CABP1: variants seen among roughly 807,000 people sequenced by gnomAD.
The protein encoded by CABP1 is calcium binding protein 1, also known as calcium-binding protein 1.
Under a neutral mutation model 34.3 loss-of-function variants are expected in CABP1, and 17 were observed. That is an observed-to-expected ratio of 0.50 (90% confidence interval 0.34 to 0.74). The LOEUF (loss-of-function observed/expected upper bound fraction) is 0.74, where lower values mean the gene tolerates loss of function less well. CABP1 is among the 30% of genes least tolerant of loss of function. CABP1 has a pLI of 0.01. For synonymous variants in CABP1, 198 were observed against 229.2 expected (o/e 0.86, Z 1.23); for missense variants, 373 against 511.1 (o/e 0.73, Z 2.61).
Position 120,659,862 on chromosome 12 carries a change from T to C in CABP1, c.655-16T>C, listed in dbSNP as rs772676449. 2 of 1,612,422 alleles carry C rather than the reference T, an allele frequency of 1.2e-6. No individual in the cohort carries two copies. Among genetic ancestry groups the C allele is most frequent in the Admixed American group, 3.4e-5 (2 of 59,448 alleles). Reference sequence around the variant, plus strand: ...GTCCCTTGTCGCGGCTAATAGGACATGTTCTTTTGTTTCAGGATAGATCAC... The same window carrying C: ...GTCCCTTGTCGCGGCTAATAGGACACGTTCTTTTGTTTCAGGATAGATCAC... On this transcript the variant is annotated splice_polypyrimidine_tract_variant and intron_variant, in intron 1 of 5. Transcript: ENST00000316803.
At chr12:120,680,642 C>G in the CABP1 span, among the ~76,000 whole-genome samples, 7 of 152,188 alleles carry the variant, frequency 4.6e-5, no homozygotes, top group Non-Finnish European at 7.3e-5. Flanking sequence ...GGGACTGACA[C>G]TCTTCTCAGC....
intron 1 of CABP1, among the ~76,000 whole-genome samples, chr12:120,658,020 C>T (rs1027155492): frequency 2.0e-5 from 3 of 149,750 alleles, no homozygotes; most frequent in African/African-American, 7.3e-5. Flanking sequence ...CACCCAAAAA[C>T]ATCTACGAAC....
At position 120,641,204 on chromosome 12, in the gene CABP1, G is replaced by A; in HGVS notation, c.519G>A (p.Arg173=). The A allele has an allele frequency of 8.0e-7, 1 of 1,251,646 alleles. No individual in the cohort carries two copies. The allele number at this position is 1,251,646 out of a possible 1,614,324, so 77.5% of individuals were successfully genotyped here. A position where few individuals can be genotyped will look rare whatever the true frequency, so the allele number is the denominator to read the frequency against. Residue 173 remains arginine, a synonymous_variant, in exon 1 of 6, where the codon CGG becomes CGA. Transcript: ENST00000316803. This position sits in a 1 kb window ranked among gnomAD's most constrained non-coding sequence, Gnocchi z 6.7. ...CCCGCGGGCGGGATGGGGAGGAACG[G>A]GGACTGTCCCCGGCGCTCGGCCTCC... ...PPARGRDGEE[R]GLSPALGLRG... is the part of the protein sequence containing the mutation.
intron 1 of CABP1, chr12:120,655,671 T>G (rs1880134186): frequency 1.4e-6 from 2 of 1,424,932 alleles, no homozygotes; most frequent in Admixed American, 2.8e-5. Flanking sequence ...GGAGATTGAC[T>G]GAATTGGGAG....
downstream of CABP1, among the ~76,000 whole-genome samples, chr12:120,671,386 A>G (rs1005635299): frequency 1.3e-5 from 2 of 152,244 alleles, no homozygotes; most frequent in African/African-American, 4.8e-5. Context: ...CAACAGAGCA[A>G]GAAATAGCAA....
Position 120,641,316 on chromosome 12 carries a change from A to G in CABP1, c.631A>G (p.Met211Val). The change falls in exon 1 of 6, where the codon ATG becomes GTG. Residue 211 changes from methionine to valine, a missense_variant. Around this residue, in one of 4 missense-constraint regions of CABP1, gnomAD observed 121 missense variants for 125.5 expected, o/e 0.96. Transcript: ENST00000316803. The surrounding 1 kb of genome is among the most constrained non-coding windows in gnomAD (Gnocchi z 6.7). ...CCCGTTCCTCCACCGGCTGCGCCCC[A>G]TGCTCAGCTCCGCCTTTGGCCAGGT... Reference protein sequence around the residue: ...ADPFLHRLRPMLSSAFGQDRS... With the variant: ...ADPFLHRLRPVLSSAFGQDRS... 7.6e-7 allele frequency: 1 copy of G among 1,318,652 alleles called. No individual in the cohort carries two copies. The highest frequency in any genetic ancestry group is 9.7e-7 in the Non-Finnish European group (1 of 1,035,022). 81.7% of individuals were successfully genotyped at this position (1,318,652 alleles called of 1,614,324 possible). A position where few individuals can be genotyped will look rare whatever the true frequency, so the allele number is the denominator to read the frequency against.
chr12:120,653,510 A>AGTTTT (rs372471603), intron 1 of CABP1, among the ~76,000 whole-genome samples: 5 of 152,012 alleles, frequency 3.3e-5, no homozygotes, highest in Non-Finnish European at 5.9e-5. Context: ...TGCCTTTTAA[A>AGTTTT]GTTTTGTTTT....
intron 5 of CABP1, among the ~76,000 whole-genome samples, chr12:120,664,913 A>G (rs1193097554): frequency 6.6e-6 from 1 of 151,348 alleles, no homozygotes; most frequent in Admixed American, 6.6e-5. Context: ...GAGATGAGCT[A>G]TCTAGTCATG....
Position 120,641,554 on chromosome 12 carries a change from G to A in CABP1, c.654+215G>A. 1 of 435,708 alleles carries A rather than the reference G, an allele frequency of 2.3e-6. No homozygotes were observed. Among genetic ancestry groups the A allele is most frequent in the Non-Finnish European group, 3.8e-6 (1 of 263,820 alleles). 27.0% of individuals were successfully genotyped at this position (435,708 alleles called of 1,614,324 possible). ...GCGCTGTCCACGCTCCGGGCCTCTT[G>A]GGGCAAGGCCCTCCCCGCTAGCCTC... On this transcript the variant is annotated intron_variant, in intron 1 of 5. Coordinates refer to ENST00000316803, the MANE Select transcript of CABP1 (RefSeq NM_001033677.2). This position sits in a 1 kb window ranked among gnomAD's most constrained non-coding sequence, Gnocchi z 6.7.
rs551722691 is a variant in CABP1 at position 120,651,633 on chromosome 12, G to C, written c.655-8245G>C. On this transcript the variant is annotated intron_variant, in intron 1 of 5. Transcript: ENST00000316803. Reference sequence around the variant, plus strand: ...GGTTAAGTGACTTACCTATGGCCTCGGGTGAGCTATTGGCGTCTGTATCCC... The same window carrying C: ...GGTTAAGTGACTTACCTATGGCCTCCGGTGAGCTATTGGCGTCTGTATCCC... Among the ~76,000 whole-genome samples the C allele has an allele frequency of 5.6e-4, 85 of 152,258 alleles. 1 individual carries two copies. Among genetic ancestry groups the C allele is most frequent in the Admixed American group, 2.7e-3 (42 of 15,294 alleles).
At chr12:120,650,794 G>T (rs1879796001) in intron 1 of CABP1, 2 of 1,110,978 alleles carry the variant, frequency 1.8e-6, no homozygotes, top group Admixed American at 1.8e-5. Flanking sequence ...CTTCCCAGGG[G>T]TTCTGTCCAG....
chr12:120,666,790 T>A, intron 5 of CABP1, 85 bp from the exon 6 acceptor site: 1 of 1,447,496 alleles, frequency 6.9e-7, no homozygotes, highest in South Asian at 1.2e-5. Flanking sequence ...GTTGGGGCAG[T>A]GGCAACAGGG....
Position 120,660,941 on chromosome 12 carries a change from A to G in CABP1, c.939+101A>G. 1 of 1,380,404 alleles carries G rather than the reference A, an allele frequency of 7.2e-7. No individual in the cohort carries two copies. The highest frequency in any genetic ancestry group is 1.0e-6 in the Non-Finnish European group (1 of 980,026). The allele number at this position is 1,380,404 out of a possible 1,614,324, so 85.5% of individuals were successfully genotyped here. On this transcript the variant is annotated intron_variant, in intron 4 of 5. Coordinates refer to ENST00000316803, the MANE Select transcript of CABP1 (RefSeq NM_001033677.2). The surrounding 1 kb of genome is among the most constrained non-coding windows in gnomAD (Gnocchi z 5.0). ...TGAGCCTCAAGTCCCAGATCAGGGG[A>G]GGGAGCTTGGACAGAGAAAGGTCTC...
chr12:120,655,741 T>C, intron 1 of CABP1: 1 of 1,459,694 alleles, frequency 6.9e-7, no homozygotes, highest in South Asian at 1.4e-5. Context: ...CACTTCCCAT[T>C]GGTGAGAATA....
chr12:120,647,385 ATTT>A (rs11332557), intron 1 of CABP1, among the ~76,000 whole-genome samples: 5 of 129,800 alleles, frequency 3.9e-5, no homozygotes, highest in Admixed American at 7.5e-5. Context: ...AGCAGACAAG[ATTT>A]TTTTTTTTTT....
At position 120,648,405 on chromosome 12, in the gene CABP1, C is replaced by T. The variant is rs568877308; in HGVS notation, c.654+7066C>T. Among the ~76,000 whole-genome samples, 35 of 152,324 alleles carry T rather than the reference C, an allele frequency of 2.3e-4. No homozygotes were observed. In the South Asian group the frequency reaches 6.6e-3, roughly 29 times the overall value. ...CCAACAACGTTCCCAGAGCCAAGCA[C>T]GGTGCCTGACATTTCTCCACTGGAC... On this transcript the variant is annotated intron_variant, in intron 1 of 5. Transcript: ENST00000316803.
chr12:120,657,540 G>C (rs895694351), intron 1 of CABP1, among the ~76,000 whole-genome samples: 1 of 152,154 alleles, frequency 6.6e-6, no homozygotes, highest in East Asian at 1.9e-4. Context: ...GGGGAGAAAG[G>C]CGTGTTCCTG....
chr12:120,673,695 G>T, the CABP1 span, among the ~76,000 whole-genome samples: 1 of 152,158 alleles, frequency 6.6e-6, no homozygotes, highest in African/African-American at 2.4e-5. Context: ...TCTTGGGTAG[G>T]TTATAAGACT....
intron 1 of CABP1, among the ~76,000 whole-genome samples, chr12:120,650,879 CG>C (rs1373490061): frequency 7.7e-6 from 1 of 130,552 alleles, no homozygotes; most frequent in East Asian, 2.4e-4. Context: ...GCATGGCGGT[CG>C]GGGTGAAACT....
Sources: gnomAD v4.1 joint callset for allele counts (sites outside exome capture counted in the v4.1 genomes callset) on GRCh38, gnomAD v4.1.1 for gene constraint, gnomAD v4.1.1 regional missense constraint, Gnocchi (gnomAD v3.1) non-coding constraint, MANE v1.5 for transcripts, NCBI Gene and HGNC (gene_info 2026-07-23, HGNC 2026-07-21) for gene names.